ACAP2: variants seen among roughly 807,000 people sequenced by gnomAD.
The protein encoded by ACAP2 is ArfGAP with coiled-coil, ankyrin repeat and PH domains 2.
Under a neutral mutation model 115.8 loss-of-function variants are expected in ACAP2, and 39 were observed. That is an observed-to-expected ratio of 0.34 (90% CI 0.26 to 0.44). ACAP2 has a LOEUF of 0.44. Among genes scored for constraint, ACAP2 ranks in the 20% least tolerant of loss-of-function variants. ACAP2 has a pLI of 1.00. For missense variants in ACAP2, 662 were observed against 927.6 expected (o/e 0.71, Z 3.72); for synonymous variants, 289 against 315.8 (o/e 0.92, Z 0.90).
chr3:195,288,813 C>T (rs1449660078), intron 21 of ACAP2, among the ~76,000 whole-genome samples: 1 of 152,044 alleles, frequency 6.6e-6, no homozygotes, highest in Non-Finnish European at 1.5e-5. Flanking sequence ...AGCCGGTGCA[C>T]TCCACTCTGG....
chr3:195,334,352 T>C (rs1227622701), intron 7 of ACAP2, among the ~76,000 whole-genome samples: 2 of 151,926 alleles, frequency 1.3e-5, no homozygotes, highest in African/African-American at 4.8e-5. Context: ...ATTTTAAAAA[T>C]TGATTAAAAA....
chr3:195,322,619 A>G (rs909573983), intron 9 of ACAP2, among the ~76,000 whole-genome samples: 1 of 152,230 alleles, frequency 6.6e-6, no homozygotes, highest in Non-Finnish European at 1.5e-5. Flanking sequence ...AATCAGGGAA[A>G]CTTTAATGCC....
chr3:195,332,583 T>G (rs1006585265), intron 8 of ACAP2, among the ~76,000 whole-genome samples: 1 of 152,168 alleles, frequency 6.6e-6, no homozygotes, highest in Non-Finnish European at 1.5e-5. Context: ...TGATATGATT[T>G]GGCTGTGTCC....
intron 22 of ACAP2, among the ~76,000 whole-genome samples, chr3:195,284,103 C>T (rs1330626918): frequency 6.6e-6 from 1 of 152,192 alleles, no homozygotes; most frequent in African/African-American, 2.4e-5. Flanking sequence ...GAGTCGACCA[C>T]TGACCACCTG....
chr3:195,310,177 T>G (rs1425503604), intron 10 of ACAP2, among the ~76,000 whole-genome samples: 1 of 152,226 alleles, frequency 6.6e-6, no homozygotes, highest in Non-Finnish European at 1.5e-5. Context: ...TCTCATGTCA[T>G]GACTAGAAGA....
chr3:195,366,514 C>T (rs1732734324), intron 4 of ACAP2, among the ~76,000 whole-genome samples: 1 of 152,142 alleles, frequency 6.6e-6, no homozygotes. Flanking sequence ...GGGAGCTGGT[C>T]AGAACTATAG....
chr3:195,414,357 C>A (rs1713543073), intron 1 of ACAP2, among the ~76,000 whole-genome samples: 1 of 152,164 alleles, frequency 6.6e-6, no homozygotes, highest in South Asian at 2.1e-4. Flanking sequence ...GATCCTCCTG[C>A]CTCAGCCTCC....
At chr3:195,286,492 T>C (rs1209623204) in intron 21 of ACAP2, among the ~76,000 whole-genome samples, 2 of 152,194 alleles carry the variant, frequency 1.3e-5, no homozygotes, top group African/African-American at 4.8e-5. Flanking sequence ...TAGGCAAATA[T>C]TGTGTTTGGT....
At chr3:195,297,671 A>C (rs1291675732) in intron 15 of ACAP2, among the ~76,000 whole-genome samples, 1 of 152,232 alleles carries the variant, frequency 6.6e-6, no homozygotes, top group Non-Finnish European at 1.5e-5. Flanking sequence ...CAGTGTTAGG[A>C]CAGTAAGTTA....
intron 4 of ACAP2, among the ~76,000 whole-genome samples, chr3:195,364,880 G>C (rs6790118): frequency 0.023 from 3,549 of 152,264 alleles, 140 homozygotes; most frequent in African/African-American, 0.08. Flanking sequence ...CAACTTAAGT[G>C]TACATCAACA....
chr3:195,327,772 C>A (rs2050808), intron 8 of ACAP2, among the ~76,000 whole-genome samples: 5,274 of 151,890 alleles, frequency 0.035, 163 homozygotes, highest in East Asian at 0.1. Flanking sequence ...TCTCCTAAAA[C>A]TACAAAAAAT....
chr3:195,311,821 G>A (rs1411099157), intron 10 of ACAP2, among the ~76,000 whole-genome samples: 3 of 152,178 alleles, frequency 2.0e-5, no homozygotes, highest in Non-Finnish European at 2.9e-5. Flanking sequence ...ACAGGCATGA[G>A]CCACCGCGCC....
chr3:195,382,334 A>G (rs1321238414), intron 2 of ACAP2, among the ~76,000 whole-genome samples: 1 of 152,174 alleles, frequency 6.6e-6, no homozygotes, highest in African/African-American at 2.4e-5. Context: ...TAGTCTATCA[A>G]CGCAGATAGC....
chr3:195,324,189 A>G (rs1729625971), intron 9 of ACAP2, among the ~76,000 whole-genome samples: 1 of 152,220 alleles, frequency 6.6e-6, no homozygotes, highest in Non-Finnish European at 1.5e-5. Flanking sequence ...CAATGAATAT[A>G]AGATGCCCAT....
At chr3:195,396,202 G>T (rs1463676962) in intron 1 of ACAP2, among the ~76,000 whole-genome samples, 1 of 151,736 alleles carries the variant, frequency 6.6e-6, no homozygotes, top group Non-Finnish European at 1.5e-5. Flanking sequence ...AGTGAGCTGA[G>T]ATCGCGCCAC....
At chr3:195,292,578 T>C (rs1049961719) in intron 18 of ACAP2, 126 bp from the exon 19 acceptor site, 7 of 854,972 alleles carry the variant, frequency 8.2e-6, no homozygotes, top group Non-Finnish European at 1.2e-5. Flanking sequence ...GCAGTAAAGA[T>C]AGCACACTAA....
intron 4 of ACAP2, among the ~76,000 whole-genome samples, chr3:195,351,743 G>A (rs78813904): frequency 0.071 from 10,872 of 152,180 alleles, 503 homozygotes; most frequent in East Asian, 0.18. Flanking sequence ...GATTACAGGC[G>A]TGAGCCACCA....
chr3:195,402,062 T>C (rs1712351734), intron 1 of ACAP2, among the ~76,000 whole-genome samples: 1 of 152,100 alleles, frequency 6.6e-6, no homozygotes, highest in African/African-American at 2.4e-5. Flanking sequence ...TCTGCACACT[T>C]CAAACAGAGC....
Position 195,322,633 on chromosome 3 carries a change from A to G in ACAP2, c.745-1820T>C, listed in dbSNP as rs111303012. Among the ~76,000 whole-genome samples the G allele has an allele frequency of 4.1e-4, 63 of 152,284 alleles. No homozygotes were observed. The Middle Eastern group carries it at 0.017, about 41-fold the overall frequency. On this transcript the variant is annotated intron_variant, in intron 9 of 22. Transcript: ENST00000326793. ...AAATCAGGGAAACTTTAATGCCCTC[A>G]TTTAAAATTTATTTGACGCTACAAT... is the stretch of plus-strand genomic sequence containing the variant.
Sources: allele counts gnomAD v4.1 joint callset (sites outside exome capture counted in the v4.1 genomes callset), GRCh38; gene constraint gnomAD v4.1.1; transcripts MANE v1.5; gene names NCBI Gene and HGNC (gene_info 2026-07-23, HGNC 2026-07-21).